The following SEC61A1 variants were observed in gnomAD, a reference collection of about 807,000 sequenced individuals.
The protein encoded by SEC61A1 is SEC61 translocon subunit alpha 1.
A neutral mutation model predicts 55.2 loss-of-function variants in SEC61A1; 15 were observed. That is an observed-to-expected ratio of 0.27 (90% CI 0.18 to 0.42). The LOEUF (loss-of-function observed/expected upper bound fraction) is 0.42. SEC61A1 is among the 10% of genes least tolerant of loss of function. The pLI, the probability that SEC61A1 is intolerant of heterozygous loss-of-function variation, is 1.00. For synonymous variants in SEC61A1, 247 were observed against 234.0 expected, an observed-to-expected ratio of 1.06 and a Z score of -0.51; for missense variants, 284 against 602.6, an observed-to-expected ratio of 0.47 and a Z score of 5.53.
intron 7 of SEC61A1, among the ~76,000 whole-genome samples, chr3:128,064,185 C>T (rs1941896038): frequency 6.6e-6 from 1 of 152,196 alleles, no homozygotes; most frequent in Non-Finnish European, 1.5e-5. Context: ...CAAGATTGTC[C>T]AGGAAAGTAG....
At chr3:128,051,813 C>G, upstream of SEC61A1, 1 of 1,535,364 alleles carries the variant, frequency 6.5e-7, no homozygotes, top group Non-Finnish European at 8.7e-7. Flanking sequence ...GGCCAAGTCT[C>G]TCCAGAAACT....
chr3:128,053,025 G>A (rs182120754), intron 2 of SEC61A1, 123 bp downstream of exon 2: 2 of 691,006 alleles, frequency 2.9e-6, no homozygotes, highest in East Asian at 2.8e-5. Flanking sequence ...TTCCCTTGGA[G>A]TGTAGTTGTG....
At chr3:128,055,799 GC>G (rs777544888) in intron 4 of SEC61A1, 48 bp downstream of exon 4, 1 of 1,424,618 alleles carries the variant, frequency 7.0e-7, no homozygotes, top group Non-Finnish European at 9.9e-7. Context: ...GGCTTACCTA[GC>G]TTCACTTAGT....
Position 128,067,863 on chromosome 3 carries a change from T to A in SEC61A1, c.1168-120T>A, listed in dbSNP as rs557900408. ...TGACTTCCTTGCGGCAGTTTTAAAGTTCTCTGTATGAATATTGTCAGTGCT... is the reference window on the plus strand; with the variant it reads ...TGACTTCCTTGCGGCAGTTTTAAAGATCTCTGTATGAATATTGTCAGTGCT... On this transcript the variant is annotated intron_variant, in intron 10 of 11. Transcript: ENST00000243253. The surrounding 1 kb of genome is among the most constrained non-coding windows in gnomAD (Gnocchi z 4.1). 1.9e-5 allele frequency: 16 copies of A among 827,486 alleles called. No individual in the cohort carries two copies. The South Asian group carries it at 2.2e-4, about 12-fold the overall frequency. The allele number at this position is 827,486 out of a possible 1,614,324, so 51.3% of individuals were successfully genotyped here. A position where few individuals can be genotyped will look rare whatever the true frequency, so the allele number is the denominator to read the frequency against.
rs544778935 is a variant in SEC61A1 at position 128,056,942 on chromosome 3, T to A, written c.352+102T>A. 471 of 968,134 alleles carry A rather than the reference T, an allele frequency of 4.9e-4. 2 individuals carry two copies. The South Asian group carries it at 0.011, about 23-fold the overall frequency. The allele number at this position is 968,134 out of a possible 1,614,324, so 60.0% of individuals were successfully genotyped here. ...TCTTTTTTTATTTATTTTTTATTTT[T>A]TTTTTTTTTTTTGAGATGGAGTCTT... On this transcript the variant is annotated intron_variant, in intron 5 of 11. Transcript: ENST00000243253.
At chr3:128,069,434 G>A (rs773675554) in intron 11 of SEC61A1, 42 bp from the exon 12 acceptor site, 1 of 1,586,562 alleles carries the variant, frequency 6.3e-7, no homozygotes, top group South Asian at 1.1e-5. Flanking sequence ...CTCACGGGGA[G>A]CTCTGTGGGT....
intron 11 of SEC61A1, among the ~76,000 whole-genome samples, chr3:128,068,348 C>G (rs569228460): frequency 1.3e-5 from 2 of 152,342 alleles, no homozygotes; most frequent in South Asian, 4.1e-4. Flanking sequence ...CTGAGAGCAA[C>G]AGCTGTGACT....
chr3:128,069,684 A>C lies in SEC61A1; in HGVS notation c.*22A>C. On this transcript the variant is annotated 3_prime_UTR_variant, in exon 12 of 12. Transcript: ENST00000243253. ...CTGAGCCCGTCTCCCGGACAGGTTG[A>C]GGAAGCTGCTCCAGAAGCGCCTCGG... 6.2e-7 allele frequency: 1 copy of C among 1,609,928 alleles called. No individual in the cohort carries two copies. Among genetic ancestry groups the C allele is most frequent in the Non-Finnish European group, 8.5e-7 (1 of 1,176,794 alleles).
chr3:128,064,987 A>T lies in SEC61A1; in HGVS notation c.727A>T (p.Met243Leu), dbSNP rs778610005. The T allele has an allele frequency of 3.7e-6, 6 of 1,614,156 alleles. No homozygotes were observed. The highest frequency in any genetic ancestry group is 2.2e-5 in the East Asian group (1 of 44,888). The change falls in exon 8 of 12, where the codon ATG becomes TTG. Residue 243 changes from methionine to leucine, a missense_variant. Physicochemically the swap from Met to Leu is conservative, Grantham distance 15. Coordinates refer to ENST00000243253, the MANE Select transcript of SEC61A1 (RefSeq NM_013336.4). Reference protein sequence around the residue: ...AFYRQNLPNLMNLIATIFVFA... With the variant: ...AFYRQNLPNLLNLIATIFVFA... ...CTACCGCCAGAATCTTCCCAACCTC[A>T]TGAATCTCATCGCCACCATCTTTGT...
At chr3:128,066,255 G>A (rs1941974462) in intron 8 of SEC61A1, among the ~76,000 whole-genome samples, 1 of 152,170 alleles carries the variant, frequency 6.6e-6, no homozygotes, top group African/African-American at 2.4e-5. Flanking sequence ...CAGAGCCAGT[G>A]TAAAAGCTTA....
In SEC61A1 at chr3:128,060,017, C is replaced by G. The variant is rs1941830742; in HGVS notation, c.353-85C>G. On this transcript the variant is annotated intron_variant, in intron 5 of 11. Transcript: ENST00000243253. ...TCTTCATCTTTGTTCTCCCCCGTGC[C>G]TGGCGTTGAATTGGTGTTTCTTAAT... 2.2e-5 allele frequency: 21 copies of G among 965,078 alleles called. No individual in the cohort carries two copies. In the South Asian group the frequency reaches 2.6e-4, roughly 12 times the overall value. The allele number at this position is 965,078 out of a possible 1,614,324, so 59.8% of individuals were successfully genotyped here.
intron 5 of SEC61A1, among the ~76,000 whole-genome samples, chr3:128,058,177 G>T (rs1941799891): frequency 6.7e-6 from 1 of 149,276 alleles, no homozygotes. Context: ...TAGTATGGTG[G>T]ATAATTGAAT....
At chr3:128,059,369 A>AGG (rs1941821295) in intron 5 of SEC61A1, among the ~76,000 whole-genome samples, 1 of 151,902 alleles carries the variant, frequency 6.6e-6, no homozygotes, top group Non-Finnish European at 1.5e-5. Flanking sequence ...GCTACTCCAG[A>AGG]GGCTGAGGCA....
At chr3:128,051,774 T>C (rs1285347332), upstream of SEC61A1, 5 of 1,520,684 alleles carry the variant, frequency 3.3e-6, no homozygotes, top group Non-Finnish European at 4.4e-6. Context: ...TGAGGCAGAC[T>C]ACTTCCCGAG....
intron 8 of SEC61A1, 196 bp from the exon 9 acceptor site, chr3:128,066,758 C>G: frequency 1.7e-6 from 1 of 590,168 alleles, no homozygotes; most frequent in South Asian, 2.1e-5. Context: ...TTCTGGGCCC[C>G]TTCTGGATGT....
At position 128,052,899 on chromosome 3, in the gene SEC61A1, G is replaced by A; in HGVS notation, c.72G>A (p.Arg24=). 1.2e-6 allele frequency: 2 copies of A among 1,612,510 alleles called. No homozygotes were observed. Among genetic ancestry groups the A allele is most frequent in the Non-Finnish European group, 8.5e-7 (1 of 1,179,026 alleles). ...VILPEIQKPE[R]KIQFKEKVLW... is the part of the protein sequence containing the mutation. ...TGCCGGAAATTCAGAAGCCAGAGAGGAAGGTAAGTACCCCAAATCGCCAAC... is the reference window on the plus strand; with the variant it reads ...TGCCGGAAATTCAGAAGCCAGAGAGAAAGGTAAGTACCCCAAATCGCCAAC... The change falls in exon 2 of 12, where the codon AGG becomes AGA. Residue 24 remains arginine (R), a synonymous_variant. Transcript: ENST00000243253.
At chr3:128,064,794 T>A (rs1024387938) in intron 7 of SEC61A1, 83 bp from the exon 8 acceptor site, 21 of 1,300,284 alleles carry the variant, frequency 1.6e-5, no homozygotes, top group Non-Finnish European at 2.1e-5. Flanking sequence ...TGTTTTCCTC[T>A]TTTTATTTGT....
chr3:128,051,958 C>T, upstream of SEC61A1: 1 of 1,429,638 alleles, frequency 7.0e-7, no homozygotes, highest in Non-Finnish European at 9.5e-7. Flanking sequence ...TGACGGAGAC[C>T]TACTAGGTGA....
At chr3:128,066,766 T>C (rs753205199) in intron 8 of SEC61A1, 188 bp from the exon 9 acceptor site, 6 of 594,070 alleles carry the variant, frequency 1.0e-5, no homozygotes, top group South Asian at 2.1e-5. Context: ...CCCTTCTGGA[T>C]GTGCCAAGTG....
Sources: allele counts gnomAD v4.1 joint callset (sites outside exome capture counted in the v4.1 genomes callset), GRCh38; gene constraint gnomAD v4.1.1; non-coding constraint Gnocchi (gnomAD v3.1); transcripts MANE v1.5; gene names NCBI Gene and HGNC (gene_info 2026-07-23, HGNC 2026-07-21).